CLIC4: variants seen among roughly 807,000 people sequenced by gnomAD.
CLIC4 encodes chloride intracellular channel protein 4.
A neutral mutation model predicts 24.6 loss-of-function variants in CLIC4; 13 were observed. That is an observed-to-expected ratio of 0.53 (90% CI 0.34 to 0.84). CLIC4 has a LOEUF of 0.84. Ranked by LOEUF, CLIC4 falls within the 40% of genes least tolerant of loss-of-function variation. The pLI is 0.01. For synonymous variants in CLIC4, 104 were observed against 111.3 expected (o/e 0.93, Z 0.41); for missense variants, 227 against 301.7 (o/e 0.75, Z 1.83).
intron 2 of CLIC4, among the ~76,000 whole-genome samples, chr1:24,802,774 A>ATC (rs1639505484): frequency 1.3e-5 from 2 of 150,200 alleles, no homozygotes; most frequent in South Asian, 4.2e-4. Context: ...CAGTGGCACG[A>ATC]TCACAGCTTA....
At chr1:24,792,068 AAAG>A (rs1253551426) in intron 1 of CLIC4, among the ~76,000 whole-genome samples, 7 of 148,832 alleles carry the variant, frequency 4.7e-5, no homozygotes, top group Non-Finnish European at 9.0e-5. Context: ...AAAAAAAAAA[AAAG>A]AAATTTGAAT....
intron 5 of CLIC4, 121 bp downstream of exon 5, chr1:24,840,162 G>A: frequency 1.1e-6 from 1 of 886,340 alleles, no homozygotes; most frequent in South Asian, 2.1e-5. Flanking sequence ...ACTCAATGCT[G>A]TTTAGGCAAT....
At chr1:24,807,420 A>G (rs1016590026) in intron 2 of CLIC4, among the ~76,000 whole-genome samples, 1 of 152,304 alleles carries the variant, frequency 6.6e-6, no homozygotes, top group South Asian at 2.1e-4. Flanking sequence ...CACATGGAGC[A>G]ATGGTGAGCA....
intron 1 of CLIC4, among the ~76,000 whole-genome samples, chr1:24,753,494 A>G (rs1008264525): frequency 5.3e-5 from 8 of 152,174 alleles, no homozygotes; most frequent in African/African-American, 1.7e-4. Flanking sequence ...TTGACCTTGA[A>G]AAAGGAGGTG....
chr1:24,747,283 C>G (rs1638712291), intron 1 of CLIC4, among the ~76,000 whole-genome samples: 1 of 151,612 alleles, frequency 6.6e-6, no homozygotes, highest in Non-Finnish European at 1.5e-5. Flanking sequence ...CGCCTGTAAT[C>G]CCAGCACTTT....
chr1:24,773,510 C>A (rs1639096665), intron 1 of CLIC4, among the ~76,000 whole-genome samples: 1 of 151,202 alleles, frequency 6.6e-6, no homozygotes, highest in African/African-American at 2.4e-5. Context: ...AGGGAAGACC[C>A]TGGCAGTTAG....
chr1:24,790,015 A>G (rs1402800926), intron 1 of CLIC4, among the ~76,000 whole-genome samples: 1 of 152,194 alleles, frequency 6.6e-6, no homozygotes, highest in Non-Finnish European at 1.5e-5. Context: ...CTTTGTTATA[A>G]CCAGGTAGAG....
intron 2 of CLIC4, among the ~76,000 whole-genome samples, chr1:24,799,747 T>G (rs1240866820): frequency 6.7e-5 from 6 of 88,980 alleles, no homozygotes; most frequent in African/African-American, 9.0e-5. Context: ...GGGAGGGAGG[T>G]GGGGGGGTCA....
At chr1:24,758,145 A>G (rs16829985) in intron 1 of CLIC4, among the ~76,000 whole-genome samples, 3,054 of 152,080 alleles carry the variant, frequency 0.02, 93 homozygotes, top group African/African-American at 0.07. Flanking sequence ...TAGTATATTC[A>G]TTGTGTGTAT....
intron 2 of CLIC4, among the ~76,000 whole-genome samples, chr1:24,799,694 G>T (rs527972750): frequency 0.027 from 3,700 of 138,724 alleles, 27 homozygotes; most frequent in East Asian, 0.037. Flanking sequence ...GTCCGGGAGG[G>T]AGGTGGGGGG....
At chr1:24,837,582 C>CA (rs1639897997) in intron 4 of CLIC4, among the ~76,000 whole-genome samples, 1 of 152,096 alleles carries the variant, frequency 6.6e-6, no homozygotes, top group Non-Finnish European at 1.5e-5. Context: ...ACAAGAACAT[C>CA]AAAAGAAAGG....
At chr1:24,787,184 A>G (rs1296418874) in intron 1 of CLIC4, among the ~76,000 whole-genome samples, 1 of 152,076 alleles carries the variant, frequency 6.6e-6, no homozygotes, top group Non-Finnish European at 1.5e-5. Flanking sequence ...ATGTTTTTGT[A>G]ACATGAAATC....
chr1:24,823,646 C>T (rs911305892), intron 3 of CLIC4, among the ~76,000 whole-genome samples: 1 of 151,858 alleles, frequency 6.6e-6, no homozygotes, highest in Non-Finnish European at 1.5e-5. Context: ...TGGTGACGGG[C>T]GCCTGTAATC....
intron 1 of CLIC4, among the ~76,000 whole-genome samples, chr1:24,761,110 A>G (rs766335489): frequency 6.6e-6 from 1 of 152,130 alleles, no homozygotes; most frequent in Non-Finnish European, 1.5e-5. Flanking sequence ...GATGATTCTG[A>G]GATTTTTGTT....
chr1:24,759,343 A>G (rs1638891321), intron 1 of CLIC4, among the ~76,000 whole-genome samples: 1 of 152,176 alleles, frequency 6.6e-6, no homozygotes, highest in Non-Finnish European at 1.5e-5. Context: ...GAGGTAAAGG[A>G]GTAAGAATGA....
intron 2 of CLIC4, among the ~76,000 whole-genome samples, chr1:24,809,183 A>G (rs1207302560): frequency 6.6e-6 from 1 of 152,206 alleles, no homozygotes. Context: ...AGAAGTTGAT[A>G]GGAAATATGT....
intron 3 of CLIC4, among the ~76,000 whole-genome samples, chr1:24,822,002 C>T (rs1202429236): frequency 6.6e-6 from 1 of 152,186 alleles, no homozygotes; most frequent in Non-Finnish European, 1.5e-5. Flanking sequence ...TGTTAATCCT[C>T]ACAAAGACTT....
intron 3 of CLIC4, among the ~76,000 whole-genome samples, chr1:24,814,807 T>C (rs190518560): frequency 1.3e-5 from 2 of 152,366 alleles, no homozygotes; most frequent in Admixed American, 6.5e-5. Flanking sequence ...TACTGTAATA[T>C]TGGCATAGAT....
intron 1 of CLIC4, among the ~76,000 whole-genome samples, chr1:24,753,711 C>T (rs1249601212): frequency 6.6e-6 from 1 of 152,122 alleles, no homozygotes; most frequent in South Asian, 2.1e-4. Flanking sequence ...TATACATTTT[C>T]CTAACTTTTT....
Sources: allele counts gnomAD v4.1 joint callset (sites outside exome capture counted in the v4.1 genomes callset), GRCh38; gene constraint gnomAD v4.1.1; transcripts MANE v1.5; gene names NCBI Gene and HGNC (gene_info 2026-07-23, HGNC 2026-07-21).